GRM3: variants seen among roughly 807,000 people sequenced by gnomAD.
The protein encoded by GRM3 is metabotropic glutamate receptor 3.
Under a neutral mutation model 70.5 loss-of-function variants are expected in GRM3, and 26 were observed. The ratio of observed to expected loss-of-function variants is 0.37; its 90% CI spans 0.27 to 0.51. GRM3 has a LOEUF of 0.51. GRM3 is among the 20% of genes least tolerant of loss of function. The pLI is 0.93. For missense variants in GRM3, 859 were observed against 1,123.8 expected (o/e 0.76, Z 3.37); for synonymous variants, 443 against 434.9 (o/e 1.02, Z -0.23).
chr7:86,732,875 T>C (rs1031762803), intron 1 of GRM3, among the ~76,000 whole-genome samples: 1 of 152,168 alleles, frequency 6.6e-6, no homozygotes, highest in Admixed American at 6.5e-5. Context: ...GGGACTGGCA[T>C]GATCTAGATC....
At chr7:86,809,756 G>T (rs1027259015) in intron 3 of GRM3, among the ~76,000 whole-genome samples, 1 of 151,954 alleles carries the variant, frequency 6.6e-6, no homozygotes, top group Non-Finnish European at 1.5e-5. Flanking sequence ...AAAGGCAAGC[G>T]TGTATTTTGA....
chr7:86,644,555 C>G lies in GRM3; in HGVS notation c.-458C>G. 2.6e-6 allele frequency: 1 copy of G among 385,048 alleles called. No individual in the cohort carries two copies. Among genetic ancestry groups the G allele is most frequent in the Non-Finnish European group, 5.2e-6 (1 of 192,730 alleles). The allele number at this position is 385,048 out of a possible 1,614,324, so 23.9% of individuals were successfully genotyped here. A position where few individuals can be genotyped will look rare whatever the true frequency, so the allele number is the denominator to read the frequency against. ...CCCCTCTTTCCCCAACCTCCTCCCT[C>G]TCTTCTACTCCACCCCTCCGTTTTC... On this transcript the variant is annotated 5_prime_UTR_variant, in exon 1 of 6. Transcript: ENST00000361669.
At chr7:86,803,480 T>C (rs1797725139) in intron 3 of GRM3, among the ~76,000 whole-genome samples, 1 of 152,238 alleles carries the variant, frequency 6.6e-6, no homozygotes, top group African/African-American at 2.4e-5. Context: ...TGTTTTCTTT[T>C]TCTTGGGAGC....
chr7:86,837,220 A>T (rs1312783048), intron 3 of GRM3, among the ~76,000 whole-genome samples: 1 of 152,222 alleles, frequency 6.6e-6, no homozygotes, highest in Non-Finnish European at 1.5e-5. Context: ...TATCCTTTAG[A>T]CAAGAGAGGG....
intron 1 of GRM3, among the ~76,000 whole-genome samples, chr7:86,683,797 G>A (rs993470104): frequency 6.6e-6 from 1 of 151,916 alleles, no homozygotes; most frequent in South Asian, 2.1e-4. Flanking sequence ...TTTAATAGAA[G>A]GTTTAAATAA....
chr7:86,780,533 C>T (rs1797021268), intron 2 of GRM3, among the ~76,000 whole-genome samples: 1 of 152,142 alleles, frequency 6.6e-6, no homozygotes, highest in Non-Finnish European at 1.5e-5. Flanking sequence ...AATATCTGAA[C>T]ATTGAAAATA....
rs1330375847 is a variant in GRM3 at position 86,652,975 on chromosome 7, CATT to C, written c.-141+8104_-141+8106del. Among the ~76,000 whole-genome samples, 8 of 152,328 alleles carry C rather than the reference CATT, an allele frequency of 5.3e-5. No homozygotes were observed. In the South Asian group the frequency reaches 1.4e-3, roughly 28 times the overall value. On this transcript the variant is annotated intron_variant, in intron 1 of 5. Transcript: ENST00000361669. The stretch of plus-strand genomic sequence containing the variant: ...CTGATTATTCTTGGGATTTGAGAAA[CATT>C]GTTGTCTTAGTCTGCTCAGACTGCT...
At position 86,790,219 on chromosome 7, in the gene GRM3, C is replaced by A. The variant is rs138590008; in HGVS notation, c.1324+3103C>A. Among the ~76,000 whole-genome samples the A allele has an allele frequency of 6.7e-5, 10 of 149,114 alleles. No homozygotes were observed. The East Asian group carries it at 2.0e-3, about 30-fold the overall frequency. ...TTTAATTGATAGTTCCTTTAGGAATCATTCCTATACTTCCCAAACTAAGAT... is the reference window on the plus strand; with the variant it reads ...TTTAATTGATAGTTCCTTTAGGAATAATTCCTATACTTCCCAAACTAAGAT... On this transcript the variant is annotated intron_variant, in intron 3 of 5. Coordinates refer to ENST00000361669, the MANE Select transcript of GRM3 (RefSeq NM_000840.3).
intron 5 of GRM3, among the ~76,000 whole-genome samples, chr7:86,852,661 A>G (rs1411058956): frequency 6.6e-6 from 1 of 152,152 alleles, no homozygotes; most frequent in East Asian, 1.9e-4. Context: ...TCCCTAATCA[A>G]TACAAATCAA....
In GRM3 at chr7:86,777,241, C is replaced by G. The variant is rs923656019; in HGVS notation, c.469-9020C>G. 3.9e-5 allele frequency among the ~76,000 whole-genome samples: 6 copies of G among 152,062 alleles called. No homozygotes were observed. The East Asian group carries it at 7.7e-4, about 20-fold the overall frequency. ...GTTATGAAAATGCCAAAATGAATAA[C>G]CTTACTATTTAAGAAGTCCTTCAGT... On this transcript the variant is annotated intron_variant, in intron 2 of 5. Transcript: ENST00000361669.
At chr7:86,812,068 T>C (rs1345797666) in intron 3 of GRM3, among the ~76,000 whole-genome samples, 2 of 151,504 alleles carry the variant, frequency 1.3e-5, no homozygotes, top group Non-Finnish European at 3.0e-5. Context: ...CAAATGAGGG[T>C]ATGAGCAATT....
At position 86,850,375 on chromosome 7, in the gene GRM3, G is replaced by A. The variant is rs1798733458; in HGVS notation, c.2397G>A (p.Gln799=). ...FYVTSSDYRV[Q]TTTMCISVSL... Reference sequence around the variant, plus strand: ...TAGCCAACCTTCTCTTGTAGGTGCAGACGACAACCATGTGCATCTCTGTCA... The same window carrying A: ...TAGCCAACCTTCTCTTGTAGGTGCAAACGACAACCATGTGCATCTCTGTCA... Residue 799 remains glutamine, a synonymous_variant, in exon 5 of 6, where the codon CAG becomes CAA. Coordinates refer to ENST00000361669, the MANE Select transcript of GRM3 (RefSeq NM_000840.3). The A allele has an allele frequency of 1.2e-6, 2 of 1,612,108 alleles. No homozygotes were observed. Among genetic ancestry groups the A allele is most frequent in the African/African-American group, 2.7e-5 (2 of 74,828 alleles).
intron 2 of GRM3, among the ~76,000 whole-genome samples, chr7:86,779,817 A>G (rs1796997214): frequency 1.3e-5 from 2 of 151,670 alleles, no homozygotes; most frequent in South Asian, 4.1e-4. Flanking sequence ...GATTCTCCAT[A>G]AAGTTGAGTT....
chr7:86,740,273 G>A (rs1795956083), intron 1 of GRM3, among the ~76,000 whole-genome samples: 1 of 152,164 alleles, frequency 6.6e-6, no homozygotes, highest in Admixed American at 6.6e-5. Context: ...CCATTTTGAG[G>A]AGGAAGAAGT....
chr7:86,679,043 A>G (rs190878358), intron 1 of GRM3, among the ~76,000 whole-genome samples: 1 of 152,098 alleles, frequency 6.6e-6, no homozygotes, highest in Non-Finnish European at 1.5e-5. Context: ...ATAGAAGTAC[A>G]TATTAATAGC....
chr7:86,661,691 A>T (rs1793897002), intron 1 of GRM3, among the ~76,000 whole-genome samples: 1 of 151,982 alleles, frequency 6.6e-6, no homozygotes, highest in Admixed American at 6.6e-5. Context: ...TGGAAAATGT[A>T]GATGGGACCA....
chr7:86,735,889 C>T (rs1018599888), intron 1 of GRM3, among the ~76,000 whole-genome samples: 1 of 152,184 alleles, frequency 6.6e-6, no homozygotes, highest in Non-Finnish European at 1.5e-5. Context: ...AATTGTATGT[C>T]TATCCTCAAA....
At chr7:86,695,157 T>C (rs549122448) in intron 1 of GRM3, among the ~76,000 whole-genome samples, 2 of 152,294 alleles carry the variant, frequency 1.3e-5, no homozygotes, top group Admixed American at 6.5e-5. Context: ...CTGAAGTTCA[T>C]TGAACTGTAG....
At chr7:86,803,286 C>T (rs961774260) in intron 3 of GRM3, among the ~76,000 whole-genome samples, 1 of 152,182 alleles carries the variant, frequency 6.6e-6, no homozygotes, top group African/African-American at 2.4e-5. Context: ...AGTTCCTTAT[C>T]TTTTGCCTAC....
Sources: allele counts gnomAD v4.1 joint callset (sites outside exome capture counted in the v4.1 genomes callset), GRCh38; gene constraint gnomAD v4.1.1; transcripts MANE v1.5; gene names NCBI Gene and HGNC (gene_info 2026-07-23, HGNC 2026-07-21).